Variants in LYPLAL1 observed in about 807,000 individuals in gnomAD.
LYPLAL1 encodes lysophospholipase like 1, also known as lysophospholipase-like protein 1.
Under a neutral mutation model 19.7 loss-of-function variants are expected in LYPLAL1, and 23 were observed. The ratio of observed to expected loss-of-function variants is 1.17; its 90% confidence interval spans 0.84 to 1.65. The LOEUF is 1.65. Among genes scored for constraint, LYPLAL1 ranks in the 40% most tolerant of loss-of-function variants. LYPLAL1 has a pLI of 0.00. For missense variants in LYPLAL1, 355 were observed against 279.4 expected (o/e 1.27, Z -1.93); for synonymous variants, 119 against 96.3 (o/e 1.24, Z -1.38).
At chr1:219,253,773 C>G in the LYPLAL1 span, among the ~76,000 whole-genome samples, 2 of 151,980 alleles carry the variant, frequency 1.3e-5, no homozygotes, top group Non-Finnish European at 2.9e-5. Context: ...GTGGAGAGTT[C>G]TATGAAGGTC....
chr1:219,305,106 A>G, the LYPLAL1 span, among the ~76,000 whole-genome samples: 1 of 152,174 alleles, frequency 6.6e-6, no homozygotes, highest in African/African-American at 2.4e-5. Context: ...AGGGGACCAC[A>G]GTCTGTTCTT....
At chr1:219,236,478 T>G in the LYPLAL1 span, among the ~76,000 whole-genome samples, 1 of 152,368 alleles carries the variant, frequency 6.6e-6, no homozygotes, top group South Asian at 2.1e-4. Context: ...ATATTCGTTT[T>G]TACTTTCAGG....
the LYPLAL1 span, among the ~76,000 whole-genome samples, chr1:219,238,458 T>G: frequency 6.6e-6 from 1 of 151,850 alleles, no homozygotes; most frequent in African/African-American, 2.4e-5. Context: ...GCCTAAACTT[T>G]TAATGTTTCT....
chr1:219,363,768 C>G, the LYPLAL1 span, among the ~76,000 whole-genome samples: 1 of 152,160 alleles, frequency 6.6e-6, no homozygotes, highest in Non-Finnish European at 1.5e-5. Flanking sequence ...GGTTGGCAAC[C>G]CAGGCCCAGG....
At chr1:219,230,037 T>C in the LYPLAL1 span, among the ~76,000 whole-genome samples, 1 of 152,222 alleles carries the variant, frequency 6.6e-6, no homozygotes, top group Non-Finnish European at 1.5e-5. Flanking sequence ...AAGAGATTTT[T>C]CTCTGAAATA....
At chr1:219,193,781 G>A (rs977156061) in intron 3 of LYPLAL1, among the ~76,000 whole-genome samples, 20 of 151,540 alleles carry the variant, frequency 1.3e-4, no homozygotes, top group Non-Finnish European at 3.0e-4. Context: ...TCTGTTTCTG[G>A]ACTTAGCATA....
At chr1:219,291,190 A>G in the LYPLAL1 span, among the ~76,000 whole-genome samples, 4 of 152,234 alleles carry the variant, frequency 2.6e-5, no homozygotes, top group Non-Finnish European at 5.9e-5. Context: ...AAAAATGTCA[A>G]ACAACAAAGG....
At chr1:219,341,879 A>G in the LYPLAL1 span, among the ~76,000 whole-genome samples, 3 of 152,188 alleles carry the variant, frequency 2.0e-5, no homozygotes, top group Admixed American at 2.0e-4. Context: ...ACAGTTTCTC[A>G]ATAAGGAGCA....
the LYPLAL1 span, among the ~76,000 whole-genome samples, chr1:219,283,636 G>A: frequency 6.6e-6 from 1 of 152,092 alleles, no homozygotes; most frequent in Non-Finnish European, 1.5e-5. Flanking sequence ...ATATCATAGT[G>A]ACTGACAATT....
the LYPLAL1 span, among the ~76,000 whole-genome samples, chr1:219,277,540 G>C: frequency 1.1e-4 from 16 of 152,110 alleles, no homozygotes; most frequent in African/African-American, 3.9e-4. Context: ...TGTATACTAG[G>C]ATCAGCAGTT....
chr1:219,350,938 G>A, the LYPLAL1 span, among the ~76,000 whole-genome samples: 1 of 152,128 alleles, frequency 6.6e-6, no homozygotes, highest in Non-Finnish European at 1.5e-5. Flanking sequence ...GCAAGAGGGT[G>A]AGGAGCCCAG....
chr1:219,422,282 A>G, the LYPLAL1 span, among the ~76,000 whole-genome samples: 1 of 152,230 alleles, frequency 6.6e-6, no homozygotes, highest in African/African-American at 2.4e-5. Flanking sequence ...TGTTCCAATA[A>G]AACTTTATCT....
At chr1:219,380,811 G>T in the LYPLAL1 span, among the ~76,000 whole-genome samples, 1 of 152,286 alleles carries the variant, frequency 6.6e-6, no homozygotes, top group Non-Finnish European at 1.5e-5. Flanking sequence ...GTGAGCATAT[G>T]GGGTGTCTGT....
chr1:219,430,969 T>C, the LYPLAL1 span, among the ~76,000 whole-genome samples: 2 of 152,106 alleles, frequency 1.3e-5, no homozygotes, highest in Non-Finnish European at 2.9e-5. Context: ...GACCCACCCA[T>C]GCTCAGAACC....
chr1:219,360,895 T>C, the LYPLAL1 span, among the ~76,000 whole-genome samples: 4 of 152,286 alleles, frequency 2.6e-5, no homozygotes, highest in East Asian at 1.9e-4. Flanking sequence ...TACCATGTTC[T>C]TTCTGCCTCA....
At chr1:219,241,122 C>CTATA in the LYPLAL1 span, among the ~76,000 whole-genome samples, 1 of 94,974 alleles carries the variant, frequency 1.1e-5, no homozygotes, top group Non-Finnish European at 2.2e-5. Context: ...CTCTCTCTCT[C>CTATA]TCTCTCTCTC....
chr1:219,193,477 C>A (rs558899606), intron 3 of LYPLAL1: 46 of 274,662 alleles, frequency 1.7e-4, no homozygotes, highest in African/African-American at 9.6e-4. Flanking sequence ...TTTTGAGACT[C>A]TTGTGGCAGT....
intron 3 of LYPLAL1, among the ~76,000 whole-genome samples, chr1:219,206,661 C>T (rs1271294204): frequency 6.6e-6 from 1 of 151,100 alleles, no homozygotes; most frequent in African/African-American, 2.4e-5. Context: ...TAAATGTCTG[C>T]AGGATGCATT....
At chr1:219,241,620 GTAAC>G in the LYPLAL1 span, among the ~76,000 whole-genome samples, 1 of 152,088 alleles carries the variant, frequency 6.6e-6, no homozygotes, top group Non-Finnish European at 1.5e-5. Context: ...GTTTAATAAA[GTAAC>G]TGAGAGCTGT....
Sources: gnomAD v4.1 joint callset for allele counts (sites outside exome capture counted in the v4.1 genomes callset) on GRCh38, gnomAD v4.1.1 for gene constraint, MANE v1.5 for transcripts, NCBI Gene and HGNC (gene_info 2026-07-23, HGNC 2026-07-21) for gene names.